HMGB1: variants seen among roughly 807,000 people sequenced by gnomAD.
HMGB1 encodes the protein high mobility group box 1, also known as high mobility group protein B1.
For synonymous variants in HMGB1, 81 were observed against 84.0 expected, an observed-to-expected ratio of 0.96 and a Z score of 0.19; for missense variants, 79 against 253.5, an observed-to-expected ratio of 0.31 and a Z score of 4.67.
intron 1 of HMGB1, among the ~76,000 whole-genome samples, chr13:30,574,179 C>T (rs1261704461): frequency 6.6e-6 from 1 of 152,216 alleles, no homozygotes; most frequent in Non-Finnish European, 1.5e-5. Context: ...TCCTGACAAA[C>T]ACTCCTACGT....
rs1318126289 is a variant in HMGB1, at chr13:30,477,933, A to G, written c.-14-14239T>C. Among the ~76,000 whole-genome samples, 4 of 150,914 alleles carry G rather than the reference A, an allele frequency of 2.7e-5. No homozygotes were observed. The East Asian group carries it at 7.7e-4, about 29-fold the overall frequency. ...TAACCCATACCTGAAGGTGTTAAAG[A>G]AAAAAAAAATCAACAACAAAAAACG... On this transcript the variant is annotated intron_variant, in intron 1 of 4. Transcript: ENST00000405805.
At chr13:30,526,860 C>A (rs1414145652) in intron 1 of HMGB1, among the ~76,000 whole-genome samples, 1 of 152,232 alleles carries the variant, frequency 6.6e-6, no homozygotes, top group Non-Finnish European at 1.5e-5. Flanking sequence ...CACAAGTGTT[C>A]TAATGATTTA....
chr13:30,468,317 G>A (rs1226150385), upstream of HMGB1, among the ~76,000 whole-genome samples: 6 of 152,070 alleles, frequency 3.9e-5, no homozygotes, highest in African/African-American at 1.4e-4. Flanking sequence ...GTGCAGCGGT[G>A]CAATCTCGGC....
intron 1 of HMGB1, among the ~76,000 whole-genome samples, chr13:30,560,182 C>G (rs1217884610): frequency 6.6e-6 from 1 of 152,004 alleles, no homozygotes; most frequent in Non-Finnish European, 1.5e-5. Flanking sequence ...AGGACACCCC[C>G]AAAGAGGCTG....
At chr13:30,616,469 T>C (rs1325828375) in intron 1 of HMGB1, among the ~76,000 whole-genome samples, 1 of 152,190 alleles carries the variant, frequency 6.6e-6, no homozygotes, top group African/African-American at 2.4e-5. Context: ...TTTTTACAAA[T>C]AGTGTATTCC....
At chr13:30,562,195 G>A (rs1038001598) in intron 1 of HMGB1, among the ~76,000 whole-genome samples, 1 of 151,850 alleles carries the variant, frequency 6.6e-6, no homozygotes, top group African/African-American at 2.4e-5. Context: ...TACTAGGGAG[G>A]CTGAGGCAGG....
At chr13:30,613,719 A>C (rs1950534069) in intron 1 of HMGB1, among the ~76,000 whole-genome samples, 1 of 152,194 alleles carries the variant, frequency 6.6e-6, no homozygotes, top group Non-Finnish European at 1.5e-5. Context: ...TCATATGCTT[A>C]CTTTAGAGTC....
chr13:30,608,358 A>AT (rs1950480490), intron 1 of HMGB1, among the ~76,000 whole-genome samples: 1 of 152,246 alleles, frequency 6.6e-6, no homozygotes. Flanking sequence ...TTGTAACTTC[A>AT]TAACTTATTT....
At chr13:30,576,386 A>G (rs1193720491) in intron 1 of HMGB1, among the ~76,000 whole-genome samples, 5 of 152,102 alleles carry the variant, frequency 3.3e-5, no homozygotes, top group African/African-American at 4.8e-5. Flanking sequence ...CTACTGGGCA[A>G]TAAAAAGCTA....
At chr13:30,576,926 C>T (rs774661405) in intron 1 of HMGB1, among the ~76,000 whole-genome samples, 11 of 152,046 alleles carry the variant, frequency 7.2e-5, no homozygotes, top group Non-Finnish European at 1.5e-4. Flanking sequence ...ATTTGTGTTC[C>T]CCCAAATTCA....
At chr13:30,560,334 C>A (rs959067015) in intron 1 of HMGB1, among the ~76,000 whole-genome samples, 5 of 152,140 alleles carry the variant, frequency 3.3e-5, no homozygotes, top group Admixed American at 2.6e-4. Context: ...TAAAAATCAG[C>A]CTTTGGTTTT....
intron 1 of HMGB1, among the ~76,000 whole-genome samples, chr13:30,515,476 C>T (rs1888082265): frequency 1.3e-5 from 2 of 152,148 alleles, no homozygotes; most frequent in African/African-American, 4.8e-5. Flanking sequence ...CTCTTCAGTG[C>T]TTTCACTATT....
At chr13:30,487,034 G>T (rs1215330746) in intron 1 of HMGB1, among the ~76,000 whole-genome samples, 1 of 152,138 alleles carries the variant, frequency 6.6e-6, no homozygotes, top group Non-Finnish European at 1.5e-5. Flanking sequence ...AATTGTAACA[G>T]GAGAAAAAAG....
At chr13:30,510,354 T>C (rs190147313) in intron 1 of HMGB1, among the ~76,000 whole-genome samples, 2 of 152,296 alleles carry the variant, frequency 1.3e-5, no homozygotes, top group East Asian at 3.9e-4. Context: ...CTCAAATCCT[T>C]TCCCCATTTT....
intron 1 of HMGB1, among the ~76,000 whole-genome samples, chr13:30,614,483 A>C (rs1248434744): frequency 6.6e-6 from 1 of 152,244 alleles, no homozygotes; most frequent in Non-Finnish European, 1.5e-5. Flanking sequence ...ATAAGGTCAC[A>C]CAGCAGAAGA....
At chr13:30,576,230 A>G (rs991952927) in intron 1 of HMGB1, among the ~76,000 whole-genome samples, 5 of 152,208 alleles carry the variant, frequency 3.3e-5, no homozygotes, top group Non-Finnish European at 5.9e-5. Flanking sequence ...GATGTATTGT[A>G]AAAAGCGCTG....
At chr13:30,576,489 TTC>T (rs1870662300) in intron 1 of HMGB1, among the ~76,000 whole-genome samples, 1 of 152,068 alleles carries the variant, frequency 6.6e-6, no homozygotes, top group Non-Finnish European at 1.5e-5. Context: ...TTGCCTGGAA[TTC>T]TCTCTTCCTT....
At chr13:30,604,824 A>G (rs11842308) in intron 1 of HMGB1, among the ~76,000 whole-genome samples, 4 of 151,890 alleles carry the variant, frequency 2.6e-5, no homozygotes, top group Non-Finnish European at 4.4e-5. Flanking sequence ...CACCCAGCTA[A>G]TTTTTTTGTA....
At chr13:30,607,741 A>G (rs1015560228) in intron 1 of HMGB1, among the ~76,000 whole-genome samples, 5 of 152,194 alleles carry the variant, frequency 3.3e-5, no homozygotes, top group Non-Finnish European at 5.9e-5. Context: ...GCTAGACAGG[A>G]AGGGGCTGGT....
Sources: allele counts gnomAD v4.1 joint callset (sites outside exome capture counted in the v4.1 genomes callset), GRCh38; gene constraint gnomAD v4.1.1; transcripts MANE v1.5; gene names NCBI Gene and HGNC (gene_info 2026-07-23, HGNC 2026-07-21).